Variants in DNAH2 observed in about 807,000 individuals in gnomAD.
DNAH2 encodes the protein dynein axonemal heavy chain 2, also known as axonemal beta dynein heavy chain 2.
Under a neutral mutation model 523.5 loss-of-function variants are expected in DNAH2, and 323 were observed. That is an observed-to-expected ratio of 0.62 (90% confidence interval 0.56 to 0.68). The LOEUF (loss-of-function observed/expected upper bound fraction) is 0.68. DNAH2 is among the 30% of genes least tolerant of loss of function. The pLI is 0.00. For synonymous variants in DNAH2, 2,093 were observed against 2,177.4 expected (o/e 0.96, Z 1.08); for missense variants, 4,907 against 5,701.5 (o/e 0.86, Z 4.49).
chr17:7,797,625 T>TG (rs1281631548), intron 52 of DNAH2, 55 bp from the exon 53 acceptor site: 2 of 1,613,786 alleles, frequency 1.2e-6, no homozygotes, highest in African/African-American at 1.3e-5. Context: ...TGGAGCCCTG[T>TG]GGGGGGAGGC....
chr17:7,826,447 A>G (rs1324137009), intron 77 of DNAH2, among the ~76,000 whole-genome samples: 2 of 152,044 alleles, frequency 1.3e-5, no homozygotes, highest in Non-Finnish European at 2.9e-5. Flanking sequence ...TAAAAAAGCT[A>G]GATATTAAGT....
chr17:7,766,257 G>A (rs943266887), intron 21 of DNAH2, 61 bp from the exon 22 acceptor site: 9 of 1,571,400 alleles, frequency 5.7e-6, no homozygotes, highest in Non-Finnish European at 7.8e-6. Context: ...AGATAGGAGA[G>A]CCATGGCTGT....
rs1368719359 is a variant in DNAH2 at position 7,760,791 on chromosome 17, C to G, written c.2837C>G (p.Thr946Ser). The change falls in exon 18 of 86, where the codon ACT becomes AGT. Residue 946 changes from threonine (T) to serine (S), a missense_variant. Physicochemically the swap from Thr to Ser is moderately conservative, Grantham distance 58 (BLOSUM62 1). This residue lies in a region of DNAH2 where 2,806 missense variants were observed against 3,190.8 expected (regional missense o/e 0.88). Transcript: ENST00000572933. The surrounding 1 kb of genome is among the most constrained non-coding windows in gnomAD (Gnocchi z 4.0). ...CAGACCCAAATCAGCAGCGGCATGA[C>G]TAACAACGCAAGCCTGCTGCAGAAC... Reference protein sequence around the residue: ...KIQTQISSGMTNNASLLQNYL... With the variant: ...KIQTQISSGMSNNASLLQNYL... The G allele has an allele frequency of 6.2e-7, 1 of 1,614,178 alleles. No individual in the cohort carries two copies. The highest frequency in any genetic ancestry group is 8.5e-7 in the Non-Finnish European group (1 of 1,180,040).
chr17:7,761,109 A>G (rs1451844475), intron 18 of DNAH2, among the ~76,000 whole-genome samples, 177 bp downstream of exon 18: 3 of 152,200 alleles, frequency 2.0e-5, no homozygotes, highest in African/African-American at 7.2e-5. Flanking sequence ...GGTAGAGATC[A>G]GGGAAGAGCT....
intron 12 of DNAH2, among the ~76,000 whole-genome samples, chr17:7,751,202 G>A (rs1177980056): frequency 6.6e-6 from 1 of 151,482 alleles, no homozygotes; most frequent in Non-Finnish European, 1.5e-5. Flanking sequence ...GGAGTACAGT[G>A]GCACCATCTT....
rs1323371010 is a variant in DNAH2 at position 7,780,068 on chromosome 17, A to G, written c.5723-89A>G. On this transcript the variant is annotated intron_variant, in intron 36 of 85. Transcript: ENST00000572933. This position sits in a 1 kb window ranked among gnomAD's most constrained non-coding sequence, Gnocchi z 4.4. The stretch of plus-strand genomic sequence containing the variant: ...AAGTTAGGGATGGAGTTAGGGTGGG[A>G]GAAAATGAGACTGATTGGAAAGTGG... The G allele has an allele frequency of 1.9e-5, 29 of 1,520,440 alleles. No individual in the cohort carries two copies. Among genetic ancestry groups the G allele is most frequent in the Admixed American group, 1.6e-4 (8 of 48,854 alleles). 94.2% of individuals were successfully genotyped at this position (1,520,440 alleles called of 1,614,324 possible). A position where few individuals can be genotyped will look rare whatever the true frequency, so the allele number is the denominator to read the frequency against.
intron 3 of DNAH2, among the ~76,000 whole-genome samples, chr17:7,724,445 C>T (rs942289476): frequency 1.3e-5 from 2 of 152,124 alleles, no homozygotes; most frequent in Admixed American, 6.6e-5. Flanking sequence ...ATAGTGAAAC[C>T]CCATCTTTAC....
At chr17:7,743,508 A>T in intron 12 of DNAH2, 1 of 627,650 alleles carries the variant, frequency 1.6e-6, no homozygotes, top group Non-Finnish European at 2.8e-6. Context: ...TCTGCAAAAA[A>T]TACAAAGATT....
intron 25 of DNAH2, 51 bp downstream of exon 25, chr17:7,770,459 C>T: frequency 6.2e-7 from 1 of 1,611,572 alleles, no homozygotes; most frequent in Non-Finnish European, 8.5e-7. Context: ...TCCTGGAGCA[C>T]AGGCTCCAGC....
At position 7,764,326 on chromosome 17, in the gene DNAH2, CG is replaced by C. The variant is rs2076092574; in HGVS notation, c.3336+58del. The C allele has an allele frequency of 6.4e-6, 10 of 1,552,422 alleles. No individual in the cohort carries two copies. The South Asian group carries it at 1.2e-4, about 19-fold the overall frequency. On this transcript the variant is annotated intron_variant, in intron 20 of 85. Transcript: ENST00000572933. ...TGGGACCCGTATCAGCAGCAGATTG[CG>C]GGGGAGGCCCTTGGCTGTCCTCGGG...
rs1233474891 is a variant in DNAH2, at chr17:7,821,017, T to C, written c.11016-226T>C. ...TCGTACCATGGTACTCCAGCCTAGG[T>C]GACAAGAGCGAAACTCTGTCTCAAA... On this transcript the variant is annotated intron_variant, in intron 72 of 85. Transcript: ENST00000572933. This position sits in a 1 kb window ranked among gnomAD's most constrained non-coding sequence, Gnocchi z 5.0. Among the ~76,000 whole-genome samples, 1 of 152,068 alleles carries C rather than the reference T, an allele frequency of 6.6e-6. No individual in the cohort carries two copies.
In DNAH2 at chr17:7,778,384, C is replaced by T; in HGVS notation, c.5456C>T (p.Ala1819Val). Residue 1819 changes from alanine (A) to valine (V), a missense_variant, in exon 35 of 86, where the codon GCC (alanine) becomes GTC (valine). Ala to Val is a moderately conservative substitution (Grantham distance 64). Coordinates refer to ENST00000572933, the MANE Select transcript of DNAH2 (RefSeq NM_020877.5). ...GAGACCGTCAAGGACCTGGGCAAGGCCCTGGGCATATATGTCATTGTGGTC... is the reference window on the plus strand; with the variant it reads ...GAGACCGTCAAGGACCTGGGCAAGGTCCTGGGCATATATGTCATTGTGGTC... ...KTETVKDLGK[A>V]LGIYVIVVNC... 6.2e-7 allele frequency: 1 copy of T among 1,614,194 alleles called. No individual in the cohort carries two copies. Among genetic ancestry groups the T allele is most frequent in the Non-Finnish European group, 8.5e-7 (1 of 1,180,046 alleles).
chr17:7,774,897 G>A lies in DNAH2; in HGVS notation c.4640G>A (p.Gly1547Asp), dbSNP rs2076406869. The A allele has an allele frequency of 1.2e-6, 2 of 1,614,208 alleles. No homozygotes were observed. Among genetic ancestry groups the A allele is most frequent in the Admixed American group, 1.7e-5 (1 of 60,020 alleles). ...LSNDDLLEIL[G>D]QSRNPEAVQP... ...AATGATGACCTGCTGGAGATTCTGG[G>A]CCAGTCCCGAAACCCAGAGGCTGTG... The change falls in exon 29 of 86, where the codon GGC (glycine) becomes GAC (aspartate). Residue 1547 changes from glycine (G) to aspartate (D), a missense_variant. Around this residue, in one of 3 missense-constraint regions of DNAH2, gnomAD observed 2,806 missense variants for 3,190.8 expected, o/e 0.88. Transcript: ENST00000572933.
In DNAH2 at chr17:7,798,079, C is replaced by T. The variant is rs1597697935; in HGVS notation, c.8231-78C>T. On this transcript the variant is annotated intron_variant, in intron 53 of 85. Coordinates refer to ENST00000572933, the MANE Select transcript of DNAH2 (RefSeq NM_020877.5). The surrounding 1 kb of genome is among the most constrained non-coding windows in gnomAD (Gnocchi z 5.5). Reference sequence around the variant, plus strand: ...TCCTCTGCTTCAGTTTCAGGGGCCCCAATCCCTAGCCTAGGGCCTGGAGGT... The same window carrying T: ...TCCTCTGCTTCAGTTTCAGGGGCCCTAATCCCTAGCCTAGGGCCTGGAGGT... 6.6e-7 allele frequency: 1 copy of T among 1,505,182 alleles called. No individual in the cohort carries two copies. The highest frequency in any genetic ancestry group is 2.2e-5 in the Admixed American group (1 of 45,204). The allele number at this position is 1,505,182 out of a possible 1,614,324, so 93.2% of individuals were successfully genotyped here. A position where few individuals can be genotyped will look rare whatever the true frequency, so the allele number is the denominator to read the frequency against.
Position 7,797,465 on chromosome 17 carries a change from A to G in DNAH2, c.8015A>G (p.Lys2672Arg). The G allele has an allele frequency of 6.2e-7, 1 of 1,614,192 alleles. No individual in the cohort carries two copies. The highest frequency in any genetic ancestry group is 8.5e-7 in the Non-Finnish European group (1 of 1,180,042). ...GCCTTCATGGGCATCATAAGCGACA[A>G]GCTCGGCTCCTTCTTTGACCTCACA... ...TEAFMGIISD[K>R]LGSFFDLTFH... Residue 2672 changes from lysine (K) to arginine (R), a missense_variant, in exon 52 of 86, where the codon AAG becomes AGG. Lys to Arg is a conservative substitution (Grantham distance 26, BLOSUM62 2). This residue lies in a region of DNAH2 where 250 missense variants were observed against 371.3 expected (regional missense o/e 0.67). Coordinates refer to ENST00000572933, the MANE Select transcript of DNAH2 (RefSeq NM_020877.5).
Position 7,759,817 on chromosome 17 carries a change from T to C in DNAH2, c.2664T>C (p.Thr888=). The change falls in exon 17 of 86, where the codon ACT becomes ACC. Residue 888 remains threonine, a synonymous_variant. Transcript: ENST00000572933. ...TGGAATTCTCACCCACTCTGCAGAC[T>C]TTGGCAGGTGTGGTCAATGACATTG... ...AQVEFSPTLQ[T]LAGVVNDIGN... 1 of 1,614,214 alleles carries C rather than the reference T, an allele frequency of 6.2e-7. No homozygotes were observed.
At position 7,823,594 on chromosome 17, in the gene DNAH2, T is replaced by C. The variant is rs1376865488; in HGVS notation, c.11295T>C (p.Tyr3765=). The change falls in exon 74 of 86, where the codon TAT becomes TAC. Residue 3765 remains tyrosine (Y), a synonymous_variant. Transcript: ENST00000572933. The part of the protein sequence containing the change: ...EQYPRDWHLW[Y]TNAAPEKAML... The stretch of plus-strand genomic sequence containing the variant: ...ACCCTCGTGACTGGCACCTGTGGTA[T>C]ACCAATGCTGCCCCGGAGAAGGCGA... 1 of 1,614,146 alleles carries C rather than the reference T, an allele frequency of 6.2e-7. No individual in the cohort carries two copies. The highest frequency in any genetic ancestry group is 1.7e-5 in the Admixed American group (1 of 60,010).
At chr17:7,771,993 G>T (rs146927947) in intron 28 of DNAH2, among the ~76,000 whole-genome samples, 1 of 152,150 alleles carries the variant, frequency 6.6e-6, no homozygotes. Context: ...TGGGATTACA[G>T]GTGTGGGACA....
intron 14 of DNAH2, 103 bp downstream of exon 14, chr17:7,758,754 A>C: frequency 1.3e-6 from 2 of 1,558,560 alleles, no homozygotes; most frequent in Non-Finnish European, 1.7e-6. Flanking sequence ...TGTAAAAAGA[A>C]TTAAGTTTGC....
Sources: gnomAD v4.1 joint callset for allele counts (sites outside exome capture counted in the v4.1 genomes callset) on GRCh38, gnomAD v4.1.1 for gene constraint, gnomAD v4.1.1 regional missense constraint, Gnocchi (gnomAD v3.1) non-coding constraint, MANE v1.5 for transcripts, NCBI Gene and HGNC (gene_info 2026-07-23, HGNC 2026-07-21) for gene names.